Variants in SV2B observed in about 807,000 individuals in gnomAD.
SV2B encodes synaptic vesicle glycoprotein 2B.
SV2B carries 41 observed loss-of-function variants against 73.9 expected under a neutral mutation model. The ratio of observed to expected loss-of-function variants is 0.56; its 90% CI spans 0.43 to 0.72. The LOEUF (loss-of-function observed/expected upper bound fraction) is 0.72. Among genes scored for constraint, SV2B ranks in the 30% least tolerant of loss-of-function variants. SV2B has a pLI of 0.00. For synonymous variants in SV2B, 314 were observed against 314.2 expected (o/e 1.00, Z 0.01); for missense variants, 764 against 857.8 (o/e 0.89, Z 1.37).
chr15:91,143,283 G>A (rs983368791), intron 1 of SV2B, among the ~76,000 whole-genome samples: 2 of 152,164 alleles, frequency 1.3e-5, no homozygotes, highest in East Asian at 1.9e-4. Context: ...TATTAGAGAC[G>A]ATTCAGTATG....
chr15:91,147,475 C>A (rs1596475942), intron 1 of SV2B, among the ~76,000 whole-genome samples: 1 of 152,208 alleles, frequency 6.6e-6, no homozygotes, highest in South Asian at 2.1e-4. Flanking sequence ...TTTTTTCCTG[C>A]TTTCAGAGAC....
chr15:91,215,501 G>A (rs1226777970), intron 1 of SV2B, among the ~76,000 whole-genome samples: 1 of 152,208 alleles, frequency 6.6e-6, no homozygotes, highest in South Asian at 2.1e-4. Context: ...GAGAGAGAGA[G>A]AAAATACACT....
rs2048740370 is a variant in SV2B, at chr15:91,283,273, C to A, written c.1508-748C>A. On this transcript the variant is annotated intron_variant, in intron 10 of 12. Coordinates refer to ENST00000394232, the MANE Select transcript of SV2B (RefSeq NM_001323032.3). The surrounding 1 kb of genome is among the most constrained non-coding windows in gnomAD (Gnocchi z 4.3). Reference sequence around the variant, plus strand: ...AAGAATGTTCAGGTTTTGGCACAGACTACAGCATGGGCTCTGGAGTGATCG... The same window carrying A: ...AAGAATGTTCAGGTTTTGGCACAGAATACAGCATGGGCTCTGGAGTGATCG... Among the ~76,000 whole-genome samples, 1 of 152,210 alleles carries A rather than the reference C, an allele frequency of 6.6e-6. No homozygotes were observed. The highest frequency in any genetic ancestry group is 2.4e-5 in the African/African-American group (1 of 41,454).
At chr15:91,198,455 ATGTGTGTGTGTGTGTGTGTGTG>A (rs5814467) in intron 1 of SV2B, among the ~76,000 whole-genome samples, 9 of 136,848 alleles carry the variant, frequency 6.6e-5, no homozygotes, top group East Asian at 2.2e-4. Flanking sequence ...AAGCACGTGT[ATGTGTGTGTGTGTGTGTGTGTG>A]TGTGTGTGTG....
intron 1 of SV2B, among the ~76,000 whole-genome samples, chr15:91,169,738 G>C (rs1201035527): frequency 1.3e-5 from 2 of 152,300 alleles, no homozygotes; most frequent in African/African-American, 4.8e-5. Context: ...AAATGAAATA[G>C]GGTAATGGGT....
intron 1 of SV2B, among the ~76,000 whole-genome samples, chr15:91,107,642 C>G (rs982225913): frequency 4.6e-5 from 7 of 152,006 alleles, no homozygotes; most frequent in Non-Finnish European, 8.8e-5. Flanking sequence ...CAGGGTCTCA[C>G]TCTGTCAACC....
chr15:91,170,545 C>A (rs919901094), intron 1 of SV2B, among the ~76,000 whole-genome samples: 4 of 152,210 alleles, frequency 2.6e-5, no homozygotes, highest in African/African-American at 9.7e-5. Context: ...CCTCAGCCTC[C>A]CAAAGTACTG....
intron 1 of SV2B, among the ~76,000 whole-genome samples, chr15:91,101,153 G>A (rs1016088405): frequency 6.6e-5 from 10 of 152,182 alleles, no homozygotes; most frequent in African/African-American, 2.2e-4. Context: ...GTGGGGTGGG[G>A]TGGGACGCTG....
At position 91,130,544 on chromosome 15, in the gene SV2B, G is replaced by A. The variant is rs2042610264; in HGVS notation, c.-392+30181G>A. On this transcript the variant is annotated intron_variant, in intron 1 of 12. Coordinates refer to ENST00000394232, the MANE Select transcript of SV2B (RefSeq NM_001323032.3). The surrounding 1 kb of genome is among the most constrained non-coding windows in gnomAD (Gnocchi z 5.6). ...GAAGCAGCTGCATTTGGGGAGGAAG[G>A]AGAAGAGTCAGGAGAAAGCTGGTGT... 6.6e-6 allele frequency among the ~76,000 whole-genome samples: 1 copy of A among 152,132 alleles called. No homozygotes were observed. The highest frequency in any genetic ancestry group is 2.1e-4 in the South Asian group (1 of 4,836).
In SV2B at chr15:91,268,387, T is replaced by G. The variant is rs754344152; in HGVS notation, c.1209-54T>G. 95 of 1,560,266 alleles carry G rather than the reference T, an allele frequency of 6.1e-5. No homozygotes were observed. Among genetic ancestry groups the G allele is most frequent in the Non-Finnish European group, 8.0e-5 (92 of 1,143,492 alleles). ...ATCAAGTCAAGAGTGTAGACCCTGA[T>G]CATGAAAGAATGAATCCTGTTGTTG... On this transcript the variant is annotated intron_variant, in intron 8 of 12. Transcript: ENST00000394232. This position sits in a 1 kb window ranked among gnomAD's most constrained non-coding sequence, Gnocchi z 4.4.
chr15:91,183,238 A>C (rs9806585), intron 1 of SV2B, among the ~76,000 whole-genome samples: 47,578 of 152,076 alleles, frequency 0.31, 8,229 homozygotes, highest in East Asian at 0.7. Context: ...TCTAGATTAC[A>C]TACAAATTAG....
chr15:91,236,989 A>AGACAAG lies in SV2B; in HGVS notation c.451+10276_451+10281dup, dbSNP rs1489102857. Among the ~76,000 whole-genome samples the AGACAAG allele has an allele frequency of 6.6e-6, 1 of 151,990 alleles. No homozygotes were observed. Among genetic ancestry groups the AGACAAG allele is most frequent in the Non-Finnish European group, 1.5e-5 (1 of 68,014 alleles). On this transcript the variant is annotated intron_variant, in intron 2 of 12. Coordinates refer to ENST00000394232, the MANE Select transcript of SV2B (RefSeq NM_001323032.3). This position sits in a 1 kb window ranked among gnomAD's most constrained non-coding sequence, Gnocchi z 4.1. ...CTTGGAAAGAGATCTTGAGAGAGAA[A>AGACAAG]GACAAGCAGAAGCCTTTTGTGACTT...
intron 1 of SV2B, among the ~76,000 whole-genome samples, chr15:91,108,264 G>A (rs2041943860): frequency 6.6e-6 from 1 of 152,116 alleles, no homozygotes; most frequent in Non-Finnish European, 1.5e-5. Flanking sequence ...TAGCCTTATG[G>A]GCTAGACATT....
chr15:91,120,045 G>A (rs1435869897), intron 1 of SV2B, among the ~76,000 whole-genome samples: 2 of 152,124 alleles, frequency 1.3e-5, no homozygotes, highest in Non-Finnish European at 2.9e-5. Context: ...TTTCCAAATC[G>A]ATTTGCCTTT....
intron 6 of SV2B, among the ~76,000 whole-genome samples, chr15:91,263,091 C>CA (rs374772982): frequency 0.11 from 16,348 of 152,212 alleles, 2,001 homozygotes; most frequent in African/African-American, 0.3. Flanking sequence ...TCCACAAAGA[C>CA]ACGGAGACAC....
intron 9 of SV2B, among the ~76,000 whole-genome samples, chr15:91,276,317 C>A (rs896785434): frequency 6.6e-6 from 1 of 151,868 alleles, no homozygotes; most frequent in South Asian, 2.1e-4. Flanking sequence ...GGGATTTACT[C>A]TATTGAGGTT....
In SV2B at chr15:91,108,397, G is replaced by A. The variant is rs190555650; in HGVS notation, c.-392+8034G>A. 2.0e-3 allele frequency among the ~76,000 whole-genome samples: 303 copies of A among 152,342 alleles called. 1 individual carries two copies. Among genetic ancestry groups the A allele is most frequent in the African/African-American group, 7.0e-3 (290 of 41,574 alleles). On this transcript the variant is annotated intron_variant, in intron 1 of 12. Coordinates refer to ENST00000394232, the MANE Select transcript of SV2B (RefSeq NM_001323032.3). Reference sequence around the variant, plus strand: ...AATGAAAATTTTGGAGTCATGTGTAGTATATAGATGCAGAAGCTTTCCTGT... The same window carrying A: ...AATGAAAATTTTGGAGTCATGTGTAATATATAGATGCAGAAGCTTTCCTGT...
chr15:91,205,567 T>C (rs1269586571), intron 1 of SV2B, among the ~76,000 whole-genome samples: 2 of 152,054 alleles, frequency 1.3e-5, no homozygotes, highest in Non-Finnish European at 2.9e-5. Context: ...GGTTTCATCA[T>C]GTTGGCCAGA....
chr15:91,282,801 G>C (rs1436831825), intron 10 of SV2B, among the ~76,000 whole-genome samples: 1 of 152,226 alleles, frequency 6.6e-6, no homozygotes, highest in East Asian at 1.9e-4. Context: ...AGAGCTTCAA[G>C]ATCTGGTCTC....
Sources: allele counts gnomAD v4.1 joint callset (sites outside exome capture counted in the v4.1 genomes callset), GRCh38; gene constraint gnomAD v4.1.1; non-coding constraint Gnocchi (gnomAD v3.1); transcripts MANE v1.5; gene names NCBI Gene and HGNC (gene_info 2026-07-23, HGNC 2026-07-21).